Variants in CSNK1G3 observed in about 807,000 individuals in gnomAD.
CSNK1G3 encodes the protein casein kinase I isoform gamma-3.
In CSNK1G3, 23 loss-of-function variants were observed where a neutral mutation model predicts 64.3. The observed-to-expected ratio is 0.36, with a 90% CI of 0.26 to 0.51. CSNK1G3 has a LOEUF of 0.51. Among genes scored for constraint, CSNK1G3 ranks in the 20% least tolerant of loss-of-function variants. CSNK1G3 has a pLI of 0.96. For synonymous variants in CSNK1G3, 158 were observed against 162.2 expected (o/e 0.97, Z 0.20); for missense variants, 357 against 510.5 (o/e 0.70, Z 2.90).
intron 1 of CSNK1G3, among the ~76,000 whole-genome samples, chr5:123,516,673 A>T (rs1777217680): frequency 6.6e-6 from 1 of 152,182 alleles, no homozygotes; most frequent in Non-Finnish European, 1.5e-5. Context: ...CGCTTTGTTT[A>T]CCAATGATAT....
At chr5:123,553,495 A>G (rs1280521811) in intron 3 of CSNK1G3, among the ~76,000 whole-genome samples, 1 of 152,206 alleles carries the variant, frequency 6.6e-6, no homozygotes, top group African/African-American at 2.4e-5. Context: ...TGGTAAAACA[A>G]AAGTGTTCTT....
intron 1 of CSNK1G3, among the ~76,000 whole-genome samples, chr5:123,524,567 A>G (rs976514441): frequency 1.3e-5 from 2 of 152,026 alleles, no homozygotes; most frequent in African/African-American, 2.4e-5. Context: ...GCTTTGGCTT[A>G]TTCTTATTTT....
intron 2 of CSNK1G3, among the ~76,000 whole-genome samples, chr5:123,550,059 G>A (rs930058098): frequency 5.3e-5 from 8 of 151,954 alleles, no homozygotes; most frequent in African/African-American, 1.7e-4. Flanking sequence ...GATTTGGATG[G>A]GTTCATCATT....
chr5:123,517,582 A>G (rs1777395048), intron 1 of CSNK1G3, among the ~76,000 whole-genome samples: 1 of 152,194 alleles, frequency 6.6e-6, no homozygotes, highest in African/African-American at 2.4e-5. Flanking sequence ...ATTATTTTTC[A>G]CGTTTGTAAA....
intron 9 of CSNK1G3, among the ~76,000 whole-genome samples, chr5:123,590,835 T>A (rs1470238641): frequency 6.6e-6 from 1 of 152,082 alleles, no homozygotes; most frequent in Non-Finnish European, 1.5e-5. Flanking sequence ...TTTTGTGTAA[T>A]ATTCTCATGA....
intron 1 of CSNK1G3, among the ~76,000 whole-genome samples, chr5:123,530,211 T>C (rs952130651): frequency 2.6e-5 from 4 of 152,090 alleles, no homozygotes; most frequent in African/African-American, 7.2e-5. Context: ...ATAGAAGGCA[T>C]AAAAAGACAT....
intron 10 of CSNK1G3, among the ~76,000 whole-genome samples, chr5:123,593,202 TACACACACAC>T (rs1554081831): frequency 2.0e-5 from 3 of 146,848 alleles, no homozygotes; most frequent in Non-Finnish European, 4.5e-5. Context: ...TGTGTATATA[TACACACACAC>T]ACACACACAC....
intron 4 of CSNK1G3, 150 bp downstream of exon 4, chr5:123,557,714 T>C: frequency 1.8e-6 from 1 of 555,062 alleles, no homozygotes. Context: ...TTAGGATCCC[T>C]TTTTTATTTT....
At chr5:123,586,619 TCTCTA>T (rs1791381707) in intron 6 of CSNK1G3, among the ~76,000 whole-genome samples, 1 of 152,190 alleles carries the variant, frequency 6.6e-6, no homozygotes, top group African/African-American at 2.4e-5. Flanking sequence ...TGAAATCTCT[TCTCTA>T]GTCTTCCAAT....
chr5:123,554,188 T>A lies in CSNK1G3; in HGVS notation c.219+1041T>A, dbSNP rs1470650872. On this transcript the variant is annotated intron_variant, in intron 3 of 12. Coordinates refer to ENST00000345990, the Ensembl canonical transcript of CSNK1G3. ...TTTCACTTGAAATAAAGATGTGGAG[T>A]AGGGTTGCAGTGCCATGAAGAGAGA... 2.0e-5 allele frequency among the ~76,000 whole-genome samples: 3 copies of A among 151,996 alleles called. No individual in the cohort carries two copies. In the East Asian group the frequency reaches 5.8e-4, roughly 29 times the overall value.
intron 6 of CSNK1G3, among the ~76,000 whole-genome samples, chr5:123,584,111 G>T (rs866454265): frequency 7.9e-5 from 12 of 152,260 alleles, no homozygotes; most frequent in Middle Eastern, 3.4e-3. Flanking sequence ...CCTGTTGTCT[G>T]CAAAGAGCAA....
At chr5:123,575,132 T>C (rs899663142) in intron 5 of CSNK1G3, among the ~76,000 whole-genome samples, 2 of 152,208 alleles carry the variant, frequency 1.3e-5, no homozygotes, top group African/African-American at 2.4e-5. Context: ...AAATGAGCTA[T>C]ATTATTAATA....
At chr5:123,522,233 C>A (rs900171356) in intron 1 of CSNK1G3, among the ~76,000 whole-genome samples, 4 of 152,006 alleles carry the variant, frequency 2.6e-5, no homozygotes, top group Admixed American at 2.0e-4. Flanking sequence ...CAAGGATGGG[C>A]TGGGTGCTGT....
At chr5:123,556,704 T>C (rs1166317985) in intron 3 of CSNK1G3, among the ~76,000 whole-genome samples, 1 of 152,050 alleles carries the variant, frequency 6.6e-6, no homozygotes, top group East Asian at 1.9e-4. Context: ...TTCTACTTCT[T>C]GTATTTTCAT....
intron 6 of CSNK1G3, among the ~76,000 whole-genome samples, chr5:123,582,832 A>G (rs180673499): frequency 2.0e-5 from 3 of 152,350 alleles, no homozygotes; most frequent in Admixed American, 6.5e-5. Context: ...TGTTTCAAAG[A>G]GAAAGCCTTC....
intron 1 of CSNK1G3, among the ~76,000 whole-genome samples, chr5:123,522,382 C>T (rs547287674): frequency 2.6e-5 from 4 of 151,866 alleles, no homozygotes; most frequent in Admixed American, 6.6e-5. Flanking sequence ...ACACGCCTGT[C>T]GTCCCAGCTA....
At chr5:123,524,920 C>G (rs570433831) in intron 1 of CSNK1G3, among the ~76,000 whole-genome samples, 1 of 152,140 alleles carries the variant, frequency 6.6e-6, no homozygotes, top group South Asian at 2.1e-4. Flanking sequence ...GCTGTGTTTT[C>G]AAGTTCAGCA....
intron 1 of CSNK1G3, 134 bp downstream of exon 1, chr5:123,512,704 C>A (rs1313431139): frequency 6.7e-6 from 1 of 148,822 alleles, no homozygotes; most frequent in African/African-American, 2.4e-5. Flanking sequence ...GGGGGCGGCG[C>A]CGCAGGCGCG....
chr5:123,587,625 T>G (rs977506002), intron 6 of CSNK1G3, among the ~76,000 whole-genome samples: 7 of 152,202 alleles, frequency 4.6e-5, no homozygotes, highest in African/African-American at 1.7e-4. Context: ...TGGAGAGTAT[T>G]TATCATGGGA....
Sources: allele counts gnomAD v4.1 joint callset (sites outside exome capture counted in the v4.1 genomes callset), GRCh38; gene constraint gnomAD v4.1.1; transcripts MANE v1.5; gene names NCBI Gene and HGNC (gene_info 2026-07-23, HGNC 2026-07-21).